Variants in TCF7L1 observed in about 807,000 individuals in gnomAD.
TCF7L1 encodes the protein transcription factor 7 like 1, also known as transcription factor 7-like 1.
Under a neutral mutation model 63.7 loss-of-function variants are expected in TCF7L1, and 18 were observed. The observed-to-expected ratio is 0.28, with a 90% confidence interval of 0.20 to 0.42. The LOEUF (loss-of-function observed/expected upper bound fraction) is 0.42. Among genes scored for constraint, TCF7L1 ranks in the 10% least tolerant of loss-of-function variants. The pLI is 1.00. For synonymous variants in TCF7L1, 355 were observed against 340.9 expected (o/e 1.04, Z -0.46); for missense variants, 654 against 779.3 (o/e 0.84, Z 1.91).
At chr2:85,136,525 C>A (rs1360605104) in intron 3 of TCF7L1, among the ~76,000 whole-genome samples, 7 of 152,190 alleles carry the variant, frequency 4.6e-5, no homozygotes, top group Non-Finnish European at 1.5e-5. Context: ...CAGTTGTTCC[C>A]TGCCCTGGCC....
At chr2:85,148,771 A>ATTT (rs775984491) in intron 3 of TCF7L1, among the ~76,000 whole-genome samples, 3,331 of 124,970 alleles carry the variant, frequency 0.027, 87 homozygotes, top group South Asian at 0.041. Context: ...ACAGTATTTA[A>ATTT]TTTTTTTTTT....
chr2:85,260,773 C>G (rs570020085), intron 3 of TCF7L1, among the ~76,000 whole-genome samples: 4 of 152,052 alleles, frequency 2.6e-5, no homozygotes, highest in African/African-American at 9.6e-5. Context: ...ACCACAGATA[C>G]AAAGGGGAAA....
At chr2:85,271,502 C>T (rs1375651470) in intron 3 of TCF7L1, among the ~76,000 whole-genome samples, 1 of 152,214 alleles carries the variant, frequency 6.6e-6, no homozygotes, top group African/African-American at 2.4e-5. Flanking sequence ...ATATGGAATG[C>T]TTTAAAAAGT....
At position 85,267,851 on chromosome 2, in the gene TCF7L1, A is replaced by G. The variant is rs371158795; in HGVS notation, c.442-15644A>G. ...ATCACTAAATGTTTTCTTTAAAGAA[A>G]TCTGTTTATCCAAGATTTATGCAGA... On this transcript the variant is annotated intron_variant, in intron 3 of 11. Transcript: ENST00000282111. Among the ~76,000 whole-genome samples the G allele has an allele frequency of 3.9e-5, 6 of 152,158 alleles. No homozygotes were observed. The East Asian group carries it at 9.6e-4, about 24-fold the overall frequency.
intron 3 of TCF7L1, among the ~76,000 whole-genome samples, chr2:85,188,184 G>A (rs1406101804): frequency 6.6e-6 from 1 of 152,162 alleles, no homozygotes; most frequent in Non-Finnish European, 1.5e-5. Flanking sequence ...GAATCTGGTG[G>A]TAATGGTACA....
intron 3 of TCF7L1, among the ~76,000 whole-genome samples, chr2:85,161,497 C>G (rs1574084487): frequency 6.6e-6 from 1 of 151,960 alleles, no homozygotes; most frequent in South Asian, 2.1e-4. Context: ...TCCTGCCCTC[C>G]CCGGGCTTGC....
In TCF7L1 at chr2:85,222,632, T is replaced by A. The variant is rs1367181786; in HGVS notation, c.442-60863T>A. Among the ~76,000 whole-genome samples, 13 of 131,332 alleles carry A rather than the reference T, an allele frequency of 9.9e-5. No individual in the cohort carries two copies. In the Admixed American group the frequency reaches 1.1e-3, roughly 11 times the overall value. The allele number at this position is 131,332 out of a possible 152,430, so 86.2% of individuals were successfully genotyped here. A position where few individuals can be genotyped will look rare whatever the true frequency, so the allele number is the denominator to read the frequency against. ...CTGCAGTGAGCCTAGATTGCACTGC[T>A]GCACTCCAGCCTGGGTGACAGAGTG... On this transcript the variant is annotated intron_variant, in intron 3 of 11. Transcript: ENST00000282111.
At chr2:85,213,086 A>G (rs554950873) in intron 3 of TCF7L1, among the ~76,000 whole-genome samples, 1 of 145,722 alleles carries the variant, frequency 6.9e-6, no homozygotes, top group East Asian at 2.1e-4. Context: ...AGGGAGGCCC[A>G]GAAAACGCCT....
At chr2:85,245,157 G>A (rs1680431830) in intron 3 of TCF7L1, among the ~76,000 whole-genome samples, 1 of 152,154 alleles carries the variant, frequency 6.6e-6, no homozygotes, top group African/African-American at 2.4e-5. Context: ...TCCCAGGCAC[G>A]TCTGGCCCCC....
chr2:85,301,288 G>A (rs942284782), intron 4 of TCF7L1, among the ~76,000 whole-genome samples: 16 of 152,132 alleles, frequency 1.1e-4, no homozygotes, highest in South Asian at 2.1e-4. Context: ...CTTACTAACC[G>A]TGTCCCAGGC....
chr2:85,151,457 T>C (rs1370547934), intron 3 of TCF7L1, among the ~76,000 whole-genome samples: 7 of 152,218 alleles, frequency 4.6e-5, no homozygotes, highest in African/African-American at 1.7e-4. Flanking sequence ...ATATAATAGA[T>C]GTTGTTTTCC....
rs1187622191 is a variant in TCF7L1 at position 85,248,724 on chromosome 2, A to G, written c.442-34771A>G. Among the ~76,000 whole-genome samples the G allele has an allele frequency of 2.6e-5, 4 of 152,364 alleles. No homozygotes were observed. In the East Asian group the frequency reaches 5.8e-4, roughly 22 times the overall value. On this transcript the variant is annotated intron_variant, in intron 3 of 11. Coordinates refer to ENST00000282111, the MANE Select transcript of TCF7L1 (RefSeq NM_031283.3). ...TAGTTTTCCAAAAATGTACATGAAC[A>G]TAGCTGATCCACCCACTTTGGTGGA... is the stretch of plus-strand genomic sequence containing the variant.
intron 3 of TCF7L1, among the ~76,000 whole-genome samples, chr2:85,268,471 CTT>C (rs554305734): frequency 0.014 from 1,905 of 134,758 alleles, 35 homozygotes; most frequent in African/African-American, 0.047. Context: ...GATTGGATGC[CTT>C]TTTTTTTTTT....
intron 4 of TCF7L1, among the ~76,000 whole-genome samples, chr2:85,294,290 C>A (rs934393178): frequency 6.6e-6 from 1 of 152,120 alleles, no homozygotes; most frequent in South Asian, 2.1e-4. Flanking sequence ...CCCGCCTCGG[C>A]CTCCCAAAGT....
intron 3 of TCF7L1, among the ~76,000 whole-genome samples, chr2:85,195,746 C>T (rs1679140924): frequency 6.6e-6 from 1 of 152,022 alleles, no homozygotes; most frequent in South Asian, 2.1e-4. Flanking sequence ...GGGGTCTCGC[C>T]ATGTTGCCCA....
At chr2:85,141,783 C>T (rs1677745608) in intron 3 of TCF7L1, among the ~76,000 whole-genome samples, 1 of 152,246 alleles carries the variant, frequency 6.6e-6, no homozygotes, top group East Asian at 1.9e-4. Flanking sequence ...GTCCCCCCAG[C>T]TTTAAAGACG....
chr2:85,173,338 C>A (rs1227168426), intron 3 of TCF7L1, among the ~76,000 whole-genome samples: 1 of 151,886 alleles, frequency 6.6e-6, no homozygotes, highest in African/African-American at 2.4e-5. Context: ...GGGTGGGGGG[C>A]TCCAAACAGC....
chr2:85,145,041 G>A (rs1400125622), intron 3 of TCF7L1, among the ~76,000 whole-genome samples: 5 of 150,432 alleles, frequency 3.3e-5, no homozygotes, highest in South Asian at 2.1e-4. Context: ...GCCAAGACTG[G>A]GCAAAAAAGC....
chr2:85,222,851 TA>T (rs1454603034), intron 3 of TCF7L1, among the ~76,000 whole-genome samples: 1 of 152,168 alleles, frequency 6.6e-6, no homozygotes, highest in Non-Finnish European at 1.5e-5. Context: ...TTTAGGATTT[TA>T]AAAAATTTTC....
Sources: gnomAD v4.1 joint callset for allele counts (sites outside exome capture counted in the v4.1 genomes callset) on GRCh38, gnomAD v4.1.1 for gene constraint, MANE v1.5 for transcripts, NCBI Gene and HGNC (gene_info 2026-07-23, HGNC 2026-07-21) for gene names.